The following TUSC3 variants were observed in gnomAD, a reference collection of about 807,000 sequenced individuals.
TUSC3 encodes tumor suppressor candidate 3.
Under a neutral mutation model 44.8 loss-of-function variants are expected in TUSC3, and 45 were observed. That is an observed-to-expected ratio of 1.00 (90% CI 0.79 to 1.29). The LOEUF (loss-of-function observed/expected upper bound fraction) is 1.29. Ranked by LOEUF, TUSC3 falls within the 50% of genes most tolerant of loss-of-function variation. The pLI is 0.00. For missense variants in TUSC3, 519 were observed against 437.9 expected (o/e 1.19, Z -1.65); for synonymous variants, 212 against 152.9 (o/e 1.39, Z -2.85).
chr8:15,716,752 G>A (rs985408126), intron 6 of TUSC3, among the ~76,000 whole-genome samples: 11 of 151,968 alleles, frequency 7.2e-5, no homozygotes, highest in African/African-American at 2.2e-4. Context: ...GTGTAAATAC[G>A]AAATGAGTAA....
the TUSC3 span, among the ~76,000 whole-genome samples, chr8:15,778,758 A>G: frequency 2.0e-5 from 3 of 152,210 alleles, no homozygotes; most frequent in Admixed American, 6.5e-5. Flanking sequence ...TACTGGCCAC[A>G]AAAGGAATTT....
intron 1 of TUSC3, among the ~76,000 whole-genome samples, chr8:15,457,176 G>C (rs1232257843): frequency 7.8e-6 from 1 of 127,836 alleles, no homozygotes; most frequent in Non-Finnish European, 1.6e-5. Flanking sequence ...GTGAGGTGGG[G>C]GGAGGGGGGA....
At chr8:15,441,731 C>T (rs895916652) in intron 1 of TUSC3, among the ~76,000 whole-genome samples, 1 of 151,756 alleles carries the variant, frequency 6.6e-6, no homozygotes, top group Non-Finnish European at 1.5e-5. Context: ...TTACAGAGAA[C>T]AGGGGGTATG....
chr8:15,426,066 T>C (rs377403721), intron 1 of TUSC3, among the ~76,000 whole-genome samples: 2 of 152,190 alleles, frequency 1.3e-5, no homozygotes, highest in South Asian at 4.1e-4. Context: ...GTAAAATATA[T>C]TCCTTTATTT....
rs535802516 is a variant in TUSC3, at chr8:15,552,489, A to G, written c.138+11921A>G. On this transcript the variant is annotated intron_variant, in intron 1 of 10. Transcript: ENST00000503731. ...ACTGGGAAATAATGGGCGCTATACTAGCATATTGGGGTGAGCTGAAAACTA... is the reference window on the plus strand; with the variant it reads ...ACTGGGAAATAATGGGCGCTATACTGGCATATTGGGGTGAGCTGAAAACTA... Among the ~76,000 whole-genome samples, 33 of 151,914 alleles carry G rather than the reference A, an allele frequency of 2.2e-4. No individual in the cohort carries two copies. The South Asian group carries it at 6.7e-3, about 31-fold the overall frequency.
chr8:15,649,860 G>T (rs912717576), intron 2 of TUSC3, among the ~76,000 whole-genome samples: 2 of 152,020 alleles, frequency 1.3e-5, no homozygotes, highest in Non-Finnish European at 2.9e-5. Flanking sequence ...TTTGGGGAGA[G>T]GGGGGAGATA....
chr8:15,800,140 T>A, the TUSC3 span, among the ~76,000 whole-genome samples: 2 of 152,190 alleles, frequency 1.3e-5, no homozygotes, highest in African/African-American at 4.8e-5. Flanking sequence ...AGCTGCTCCT[T>A]GAATGGATAG....
chr8:15,649,922 A>C (rs1466396561), intron 2 of TUSC3, among the ~76,000 whole-genome samples: 1 of 152,194 alleles, frequency 6.6e-6, no homozygotes, highest in Admixed American at 6.5e-5. Context: ...TTTTTTAAAA[A>C]TGTTTTAGCA....
At chr8:15,762,539 G>C (rs543802115) in intron 10 of TUSC3, among the ~76,000 whole-genome samples, 38 of 152,104 alleles carry the variant, frequency 2.5e-4, no homozygotes, top group African/African-American at 8.7e-4. Flanking sequence ...TAGTATTTTT[G>C]CTTTTACAGG....
chr8:15,564,710 A>G (rs1037614319), intron 1 of TUSC3, among the ~76,000 whole-genome samples: 6 of 152,144 alleles, frequency 3.9e-5, no homozygotes, highest in African/African-American at 7.2e-5. Flanking sequence ...GGACATTGTG[A>G]CAGAGTTCTA....
rs542847939 is a variant in TUSC3, at chr8:15,747,022, C to CAA, written c.938-1352_938-1351insAA. On this transcript the variant is annotated intron_variant, in intron 8 of 10. Coordinates refer to ENST00000503731, the MANE Select transcript of TUSC3 (RefSeq NM_006765.4). Reference sequence around the variant, plus strand: ...ATGAGTGTTGTCTGAAATGAAATGTCAGAGGCTACACTTGGATGCTATTAA... The same window carrying CAA: ...ATGAGTGTTGTCTGAAATGAAATGTCAAAGAGGCTACACTTGGATGCTATTAA... 2.4e-4 allele frequency among the ~76,000 whole-genome samples: 36 copies of CAA among 152,094 alleles called. No homozygotes were observed. The South Asian group carries it at 7.3e-3, about 31-fold the overall frequency.
chr8:15,701,003 C>T (rs1809379211), intron 6 of TUSC3, among the ~76,000 whole-genome samples: 2 of 151,746 alleles, frequency 1.3e-5, no homozygotes, highest in Non-Finnish European at 2.9e-5. Flanking sequence ...TCAGAATCTT[C>T]TTATGTTTGT....
At chr8:15,582,698 C>G (rs569931668) in intron 1 of TUSC3, among the ~76,000 whole-genome samples, 2 of 152,270 alleles carry the variant, frequency 1.3e-5, no homozygotes, top group African/African-American at 2.4e-5. Context: ...TCTCTGCAAG[C>G]CTGCTGCTGA....
Position 15,501,970 on chromosome 8 carries a change from G to A in TUSC3, n.189+18487G>A, listed in dbSNP as rs183984311. On this transcript the variant is annotated intron_variant and non_coding_transcript_variant, in intron 2 of 5. Transcript: ENST00000503191. ...TAACTTTTAATCTATTCCTTCTGAC[G>A]TTTACCTTTATGTTTCTAAGTAATA... Among the ~76,000 whole-genome samples, 34 of 152,150 alleles carry A rather than the reference G, an allele frequency of 2.2e-4. No individual in the cohort carries two copies. The East Asian group carries it at 3.7e-3, about 16-fold the overall frequency.
At chr8:15,518,791 C>T (rs1051102713) in intron 2 of TUSC3, among the ~76,000 whole-genome samples, 1 of 151,226 alleles carries the variant, frequency 6.6e-6, no homozygotes, top group African/African-American at 2.5e-5. Context: ...CTAATAATCC[C>T]TCTTGTTTTT....
chr8:15,542,149 T>C (rs1177899663), intron 1 of TUSC3, among the ~76,000 whole-genome samples: 1 of 151,982 alleles, frequency 6.6e-6, no homozygotes, highest in Non-Finnish European at 1.5e-5. Context: ...AAGGTCTACA[T>C]TGGTTTGATC....
At chr8:15,472,926 T>C (rs1230629885) in intron 1 of TUSC3, among the ~76,000 whole-genome samples, 1 of 152,208 alleles carries the variant, frequency 6.6e-6, no homozygotes, top group Non-Finnish European at 1.5e-5. Flanking sequence ...ATCTTGGTCA[T>C]TTTACAGCTA....
chr8:15,535,716 A>C (rs1801513296), upstream of TUSC3, among the ~76,000 whole-genome samples: 1 of 152,180 alleles, frequency 6.6e-6, no homozygotes, highest in South Asian at 2.1e-4. Flanking sequence ...AAATGAAACA[A>C]TAGCATGTCA....
chr8:15,674,937 A>G (rs1808116692), intron 6 of TUSC3, among the ~76,000 whole-genome samples: 1 of 152,040 alleles, frequency 6.6e-6, no homozygotes, highest in African/African-American at 2.4e-5. Flanking sequence ...TGGCTTCCCA[A>G]CAAGATCCTT....
Sources: gnomAD v4.1 joint callset for allele counts (sites outside exome capture counted in the v4.1 genomes callset) on GRCh38, gnomAD v4.1.1 for gene constraint, MANE v1.5 for transcripts, NCBI Gene and HGNC (gene_info 2026-07-23, HGNC 2026-07-21) for gene names.